The following CENPV variants were observed in gnomAD, a reference collection of about 807,000 sequenced individuals.
The protein encoded by CENPV is centromere protein V, also known as nuclear protein p30.
In CENPV, 15 loss-of-function variants were observed where a neutral mutation model predicts 26.4. That is an observed-to-expected ratio of 0.57 (90% CI 0.38 to 0.88). The LOEUF (loss-of-function observed/expected upper bound fraction) is 0.88. Ranked by LOEUF, CENPV falls within the 40% of genes least tolerant of loss-of-function variation. CENPV has a pLI of 0.00. For missense variants in CENPV, 336 were observed against 376.5 expected (o/e 0.89, Z 0.89); for synonymous variants, 172 against 165.5 (o/e 1.04, Z -0.30).
intron 4 of CENPV, 91 bp downstream of exon 4, chr17:16,344,506 A>G (rs2093196473): frequency 8.0e-6 from 5 of 623,708 alleles, no homozygotes; most frequent in African/African-American, 1.9e-5. Flanking sequence ...GGGTCTAGTC[A>G]GCATCCCACC....
chr17:16,350,900 C>G (rs900390553), intron 1 of CENPV: 2 of 152,078 alleles, frequency 1.3e-5, no homozygotes, highest in African/African-American at 4.8e-5. Flanking sequence ...TCTTCATACA[C>G]ATGCGTTTTA....
chr17:16,352,867 G>A (rs896434741), intron 1 of CENPV, among the ~76,000 whole-genome samples, 160 bp downstream of exon 1: 1 of 152,084 alleles, frequency 6.6e-6, no homozygotes, highest in Non-Finnish European at 1.5e-5. Context: ...TAGAATTAAG[G>A]AATAACCCCA....
In CENPV at chr17:16,342,742, C is replaced by T. The variant is rs1161177142; in HGVS notation, c.*75G>A. ...CCAGGTCAGCCACATTCAGGAGCAC[C>T]ACCGAGGCACGGCAGGGAGAGCAAA... is the stretch of plus-strand genomic sequence containing the variant. On this transcript the variant is annotated 3_prime_UTR_variant, in exon 5 of 5. Coordinates refer to ENST00000299736, the MANE Select transcript of CENPV (RefSeq NM_181716.3). 8 of 1,587,162 alleles carry T rather than the reference C, an allele frequency of 5.0e-6. No homozygotes were observed. The Admixed American group carries it at 1.2e-4, about 23-fold the overall frequency.
At chr17:16,343,393 C>T (rs1192819898) in intron 4 of CENPV, among the ~76,000 whole-genome samples, 2 of 152,058 alleles carry the variant, frequency 1.3e-5, no homozygotes, top group Non-Finnish European at 2.9e-5. Flanking sequence ...AGTACAATGG[C>T]GTGATCTTGA....
rs2093187554 is a variant in CENPV at position 16,342,747 on chromosome 17, A to AG, written c.*69dup. On this transcript the variant is annotated 3_prime_UTR_variant, in exon 5 of 5. Transcript: ENST00000299736. ...TCAGCCACATTCAGGAGCACCACCG[A>AG]GGCACGGCAGGGAGAGCAAAGTTGC... is the stretch of plus-strand genomic sequence containing the variant. 16 of 1,598,070 alleles carry AG rather than the reference A, an allele frequency of 1.0e-5. No individual in the cohort carries two copies. The South Asian group carries it at 1.5e-4, about 15-fold the overall frequency.
In CENPV at chr17:16,353,225, T is replaced by C. The variant is rs902193418; in HGVS notation, c.212A>G (p.Gln71Arg). The C allele has an allele frequency of 2.2e-6, 3 of 1,390,488 alleles. No homozygotes were observed. In the African/African-American group the frequency reaches 4.5e-5, roughly 21 times the overall value. 86.1% of individuals were successfully genotyped at this position (1,390,488 alleles called of 1,614,324 possible). A position where few individuals can be genotyped will look rare whatever the true frequency, so the allele number is the denominator to read the frequency against. ...CGGCGGCTCCCCCGGGCCCTCCTCC[T>C]GGGCCCGCGGCGACGAGCGCCTCAG... is the stretch of plus-strand genomic sequence containing the variant. ...PRLRRSSPRA[Q>R]EEGPGEPPPP... The change falls in exon 1 of 5, where the codon CAG (glutamine) becomes CGG (arginine). Residue 71 changes from glutamine to arginine, a missense_variant. By Grantham distance (43) the Gln-to-Arg change is conservative. Transcript: ENST00000299736.
chr17:16,344,525 T>TA, intron 4 of CENPV, 72 bp downstream of exon 4: 1 of 829,036 alleles, frequency 1.2e-6, no homozygotes, highest in East Asian at 2.9e-5. Flanking sequence ...CCTGTCCAAA[T>TA]AAGACTTTAA....
chr17:16,353,327 G>T lies in CENPV; in HGVS notation c.110C>A (p.Thr37Asn). The change falls in exon 1 of 5, where the codon ACC becomes AAC. Residue 37 changes from threonine to asparagine, a missense_variant. By Grantham distance (65) the Thr-to-Asn change is moderately conservative (BLOSUM62 0). This residue lies in a region of CENPV where 181 missense variants were observed against 148.8 expected (regional missense o/e 1.22). Transcript: ENST00000299736. Reference sequence around the variant, plus strand: ...CTGGCTAGCGGAGCGCCGTGTGCGGGTGGCGCTGGGTGCCAAGGCAGCGGC... The same window carrying T: ...CTGGCTAGCGGAGCGCCGTGTGCGGTTGGCGCTGGGTGCCAAGGCAGCGGC... ...SAAAALAPSA[T>N]RTRRSASQAG... 1 of 1,379,356 alleles carries T rather than the reference G, an allele frequency of 7.2e-7. No individual in the cohort carries two copies. The highest frequency in any genetic ancestry group is 9.4e-7 in the Non-Finnish European group (1 of 1,064,028). The allele number at this position is 1,379,356 out of a possible 1,614,324, so 85.4% of individuals were successfully genotyped here. A position where few individuals can be genotyped will look rare whatever the true frequency, so the allele number is the denominator to read the frequency against.
Position 16,342,566 on chromosome 17 carries a change from C to A in CENPV, c.*251G>T. ...ATGTTAAAAATATTTATTTTTTTTC[C>A]TAAAAGATCACACAAAAGTTGGGAA... On this transcript the variant is annotated 3_prime_UTR_variant, in exon 5 of 5. Coordinates refer to ENST00000299736, the MANE Select transcript of CENPV (RefSeq NM_181716.3). 1 of 523,858 alleles carries A rather than the reference C, an allele frequency of 1.9e-6. No individual in the cohort carries two copies. Among genetic ancestry groups the A allele is most frequent in the South Asian group, 3.2e-5 (1 of 31,128 alleles). 32.5% of individuals were successfully genotyped at this position (523,858 alleles called of 1,614,324 possible).
chr17:16,349,476 T>C, intron 2 of CENPV: 1 of 986,630 alleles, frequency 1.0e-6, no homozygotes, highest in African/African-American at 1.7e-5. Flanking sequence ...AGCAGTGCCA[T>C]CTGCCTCAAC....
Position 16,348,561 on chromosome 17 carries a change from C to CTGTAAA in CENPV, c.579+49_579+54dup, listed in dbSNP as rs998242899. The CTGTAAA allele has an allele frequency of 7.5e-6, 12 of 1,609,068 alleles. No homozygotes were observed. The African/African-American group carries it at 1.2e-4, about 16-fold the overall frequency. On this transcript the variant is annotated intron_variant, in intron 3 of 4. Coordinates refer to ENST00000299736, the MANE Select transcript of CENPV (RefSeq NM_181716.3). The stretch of plus-strand genomic sequence containing the variant: ...CATGCTAACAGTTGGGTGGGGGGTC[C>CTGTAAA]TGTAAATCTCACCAATGGGTTCTGC...
intron 3 of CENPV, among the ~76,000 whole-genome samples, chr17:16,345,259 C>A: frequency 1.6e-5 from 2 of 121,224 alleles, no homozygotes; most frequent in Non-Finnish European, 3.3e-5. Context: ...GAGACTCCGT[C>A]TCAAAAAAAA....
Position 16,353,100 on chromosome 17 carries a change from C to G in CENPV, c.337G>C (p.Glu113Gln). 1 of 1,568,562 alleles carries G rather than the reference C, an allele frequency of 6.4e-7. No homozygotes were observed. The highest frequency in any genetic ancestry group is 1.8e-5 in the Admixed American group (1 of 55,354). The change falls in exon 1 of 5, where the codon GAG (glutamate) becomes CAG (glutamine). Residue 113 changes from glutamate (E) to glutamine (Q), a missense_variant. Glu to Gln is a conservative substitution (Grantham distance 29). Coordinates refer to ENST00000299736, the MANE Select transcript of CENPV (RefSeq NM_181716.3). ...CGCTTCTGGAACGTCTCCCAGCGCT[C>G]CCGCTGCTCGCCCAGGTCCAGGTTG... is the stretch of plus-strand genomic sequence containing the variant. ...ASNLDLGEQR[E>Q]RWETFQKRQK... is the part of the protein sequence containing the mutation.
chr17:16,353,153 G>T lies in CENPV; in HGVS notation c.284C>A (p.Thr95Asn). 1 of 1,471,086 alleles carries T rather than the reference G, an allele frequency of 6.8e-7. No homozygotes were observed. The allele number at this position is 1,471,086 out of a possible 1,614,324, so 91.1% of individuals were successfully genotyped here. The change falls in exon 1 of 5, where the codon ACT (threonine) becomes AAT (asparagine). Residue 95 changes from threonine to asparagine, a missense_variant. Physicochemically the swap from Thr to Asn is moderately conservative, Grantham distance 65. This residue lies in a region of CENPV where 181 missense variants were observed against 148.8 expected (regional missense o/e 1.22). Coordinates refer to ENST00000299736, the MANE Select transcript of CENPV (RefSeq NM_181716.3). The stretch of plus-strand genomic sequence containing the variant: ...CGCCGAGGACGTCGGGGTCGCGGGA[G>T]TCGGCGGCGGCGGCGGCGGTGGCGG... ...LLPPPPPPPP[T>N]PATPTSSASN...
intron 1 of CENPV, among the ~76,000 whole-genome samples, chr17:16,352,679 A>C (rs1331209588): frequency 6.6e-6 from 1 of 152,122 alleles, no homozygotes; most frequent in Non-Finnish European, 1.5e-5. Flanking sequence ...TTCACTAAGA[A>C]AGGCCCCCAC....
At chr17:16,346,588 T>G (rs962479260) in intron 3 of CENPV, among the ~76,000 whole-genome samples, 8 of 151,962 alleles carry the variant, frequency 5.3e-5, no homozygotes, top group Non-Finnish European at 8.8e-5. Flanking sequence ...CTGTCTGTAC[T>G]AAAAATGTAA....
At position 16,353,423 on chromosome 17, in the gene CENPV, C is replaced by T. The variant is rs1451243711; in HGVS notation, c.14G>A (p.Arg5Lys). 8.6e-7 allele frequency: 1 copy of T among 1,164,698 alleles called. No individual in the cohort carries two copies. The highest frequency in any genetic ancestry group is 1.1e-6 in the Non-Finnish European group (1 of 946,716). The allele number at this position is 1,164,698 out of a possible 1,614,324, so 72.1% of individuals were successfully genotyped here. A position where few individuals can be genotyped will look rare whatever the true frequency, so the allele number is the denominator to read the frequency against. MRRS[R>K]SSAAAKLRGQ... ...GCGCAGCTTGGCGGCCGCAGAGCTCCTCGATCGCCGCATGGCTCCCGCAGC... is the reference window on the plus strand; with the variant it reads ...GCGCAGCTTGGCGGCCGCAGAGCTCTTCGATCGCCGCATGGCTCCCGCAGC... Residue 5 changes from arginine to lysine, a missense_variant, in exon 1 of 5, where the codon AGG becomes AAG. This residue lies in a region of CENPV where 181 missense variants were observed against 148.8 expected (regional missense o/e 1.22). Coordinates refer to ENST00000299736, the MANE Select transcript of CENPV (RefSeq NM_181716.3).
At position 16,353,192 on chromosome 17, in the gene CENPV, T is replaced by G. The variant is rs973781889; in HGVS notation, c.245A>C (p.Glu82Ala). 21 of 1,377,220 alleles carry G rather than the reference T, an allele frequency of 1.5e-5. No individual in the cohort carries two copies. Among genetic ancestry groups the G allele is most frequent in the Non-Finnish European group, 1.6e-5 (17 of 1,071,264 alleles). 85.3% of individuals were successfully genotyped at this position (1,377,220 alleles called of 1,614,324 possible). The change falls in exon 1 of 5, where the codon GAG (glutamate) becomes GCG (alanine). Residue 82 changes from glutamate to alanine, a missense_variant. Around this residue, in one of 2 missense-constraint regions of CENPV, gnomAD observed 181 missense variants for 148.8 expected, o/e 1.22. Coordinates refer to ENST00000299736, the MANE Select transcript of CENPV (RefSeq NM_181716.3). The stretch of plus-strand genomic sequence containing the variant: ...CGGCGGTGGCGGGAGCAACGCCAGC[T>G]CAGGCGGCGGCGGCTCCCCCGGGCC... ...EEGPGEPPPP[E>A]LALLPPPPPP...
rs1480792869 is a variant in CENPV, at chr17:16,349,735, T to G, written c.509+196A>C. On this transcript the variant is annotated intron_variant, in intron 2 of 4. Coordinates refer to ENST00000299736, the MANE Select transcript of CENPV (RefSeq NM_181716.3). ...GCTCTGTGTCACCTGGGCCATGCTG[T>G]TGAAGCTCTGTGATGAGCCATATAA... 3.6e-6 allele frequency: 5 copies of G among 1,371,740 alleles called. No homozygotes were observed. The East Asian group carries it at 1.5e-4, about 40-fold the overall frequency. 85.0% of individuals were successfully genotyped at this position (1,371,740 alleles called of 1,614,324 possible). A position where few individuals can be genotyped will look rare whatever the true frequency, so the allele number is the denominator to read the frequency against.
Sources: gnomAD v4.1 joint callset for allele counts (sites outside exome capture counted in the v4.1 genomes callset) on GRCh38, gnomAD v4.1.1 for gene constraint, gnomAD v4.1.1 regional missense constraint, MANE v1.5 for transcripts, NCBI Gene and HGNC (gene_info 2026-07-23, HGNC 2026-07-21) for gene names.